The following NPAS3 variants were observed in gnomAD, a reference collection of about 807,000 sequenced individuals.
The protein encoded by NPAS3 is neuronal PAS domain-containing protein 3.
In NPAS3, 14 loss-of-function variants were observed where a neutral mutation model predicts 73.1. That is an observed-to-expected ratio of 0.19 (90% CI 0.13 to 0.30). The LOEUF (loss-of-function observed/expected upper bound fraction) is 0.30, where lower values mean the gene tolerates loss of function less well. Ranked by LOEUF, NPAS3 falls within the 10% of genes least tolerant of loss-of-function variation. NPAS3 has a pLI of 1.00. For synonymous variants in NPAS3, 620 were observed against 541.5 expected, an observed-to-expected ratio of 1.14 and a Z score of -2.01; for missense variants, 1,096 against 1,250.0, an observed-to-expected ratio of 0.88 and a Z score of 1.86.
intron 1 of NPAS3, among the ~76,000 whole-genome samples, chr14:32,978,190 T>G (rs889800074): frequency 1.3e-5 from 2 of 152,210 alleles, no homozygotes; most frequent in African/African-American, 4.8e-5. Context: ...ATCAAGGGTC[T>G]AGTTTTTAGC....
chr14:33,513,243 T>C (rs1291050354), intron 4 of NPAS3, among the ~76,000 whole-genome samples: 1 of 152,008 alleles, frequency 6.6e-6, no homozygotes, highest in African/African-American at 2.4e-5. Context: ...TGAGCTAAGG[T>C]CACAGACAGT....
At chr14:33,306,695 TA>T (rs1242490469) in intron 3 of NPAS3, among the ~76,000 whole-genome samples, 8 of 152,352 alleles carry the variant, frequency 5.3e-5, no homozygotes, top group African/African-American at 1.9e-4. Context: ...CTTTGAAATT[TA>T]TATTTATGTT....
At chr14:33,639,639 AT>A (rs2140174934) in intron 5 of NPAS3, among the ~76,000 whole-genome samples, 1 of 152,258 alleles carries the variant, frequency 6.6e-6, no homozygotes, top group East Asian at 1.9e-4. Context: ...CCCAAACTAA[AT>A]TGCCCTGCCA....
intron 3 of NPAS3, among the ~76,000 whole-genome samples, chr14:33,238,552 T>C (rs1427244303): frequency 1.3e-5 from 2 of 152,004 alleles, no homozygotes; most frequent in African/African-American, 4.8e-5. Flanking sequence ...TTGAATGACC[T>C]AGTATAATGT....
intron 5 of NPAS3, among the ~76,000 whole-genome samples, chr14:33,622,220 T>A (rs2058095566): frequency 6.6e-6 from 1 of 151,896 alleles, no homozygotes; most frequent in South Asian, 2.1e-4. Flanking sequence ...ACAGATGAGA[T>A]AAAGTCTACT....
At chr14:33,244,970 C>T (rs565398545) in intron 3 of NPAS3, among the ~76,000 whole-genome samples, 2 of 152,236 alleles carry the variant, frequency 1.3e-5, no homozygotes, top group South Asian at 2.1e-4. Context: ...ACAACAAATA[C>T]ACATACAAAC....
At chr14:33,661,421 A>C (rs2059305293) in intron 5 of NPAS3, among the ~76,000 whole-genome samples, 1 of 152,212 alleles carries the variant, frequency 6.6e-6, no homozygotes, top group African/African-American at 2.4e-5. Flanking sequence ...GATGAATCTC[A>C]TTTCCAATGC....
At chr14:33,106,513 G>T (rs2042725794) in intron 2 of NPAS3, among the ~76,000 whole-genome samples, 1 of 152,104 alleles carries the variant, frequency 6.6e-6, no homozygotes, top group Non-Finnish European at 1.5e-5. Context: ...TAAATTAAAG[G>T]AGAAGCAAAT....
At chr14:33,429,371 A>G (rs1266297898) in intron 4 of NPAS3, among the ~76,000 whole-genome samples, 1 of 152,114 alleles carries the variant, frequency 6.6e-6, no homozygotes, top group African/African-American at 2.4e-5. Context: ...TTGGATCTTC[A>G]GGAAGTTTAG....
chr14:33,166,317 T>A (rs573830233), intron 2 of NPAS3, among the ~76,000 whole-genome samples: 1 of 152,214 alleles, frequency 6.6e-6, no homozygotes, highest in Admixed American at 6.5e-5. Context: ...CAGCAGAGAT[T>A]GCATCCTTCT....
At chr14:32,974,454 G>A (rs1462367475) in intron 1 of NPAS3, among the ~76,000 whole-genome samples, 1 of 152,226 alleles carries the variant, frequency 6.6e-6, no homozygotes, top group Non-Finnish European at 1.5e-5. Flanking sequence ...ATTTGGAAAT[G>A]TGATGAAGGA....
chr14:33,700,246 T>G (rs1430538509), intron 6 of NPAS3, among the ~76,000 whole-genome samples: 1 of 152,210 alleles, frequency 6.6e-6, no homozygotes, highest in Non-Finnish European at 1.5e-5. Flanking sequence ...CTGATGATAA[T>G]GCTCTGTCTA....
intron 5 of NPAS3, among the ~76,000 whole-genome samples, chr14:33,572,907 C>T (rs565677590): frequency 5.9e-4 from 89 of 151,446 alleles, no homozygotes; most frequent in African/African-American, 2.1e-3. Flanking sequence ...CCTGTAGTCC[C>T]AGCTACTCGG....
At chr14:33,778,316 C>T in intron 8 of NPAS3, 150 bp from the exon 9 acceptor site, 1 of 522,970 alleles carries the variant, frequency 1.9e-6, no homozygotes, top group Non-Finnish European at 3.4e-6. Flanking sequence ...AAGAAATAAT[C>T]TTATGTATAA....
chr14:33,601,871 G>A (rs1326744726), intron 5 of NPAS3, among the ~76,000 whole-genome samples: 1 of 152,142 alleles, frequency 6.6e-6, no homozygotes, highest in Non-Finnish European at 1.5e-5. Flanking sequence ...GAGTAATAGG[G>A]TTTGGATTTG....
chr14:33,178,079 G>T (rs7150229), intron 2 of NPAS3, among the ~76,000 whole-genome samples: 102,402 of 126,242 alleles, frequency 0.81, 39,845 homozygotes, highest in Middle Eastern at 0.88. Context: ...AATTTTTTTT[G>T]TTTTTTTTTT....
At chr14:33,688,293 C>A (rs1295485524) in intron 6 of NPAS3, among the ~76,000 whole-genome samples, 1 of 152,192 alleles carries the variant, frequency 6.6e-6, no homozygotes, top group Non-Finnish European at 1.5e-5. Context: ...TGGAAATTGA[C>A]AATGAATGTT....
At chr14:33,069,019 A>G (rs2041383290) in intron 2 of NPAS3, among the ~76,000 whole-genome samples, 1 of 152,122 alleles carries the variant, frequency 6.6e-6, no homozygotes, top group African/African-American at 2.4e-5. Context: ...ATTGAGGAGA[A>G]ATGAGACCTA....
At chr14:33,538,157 G>A (rs1277650169) in intron 4 of NPAS3, among the ~76,000 whole-genome samples, 1 of 152,120 alleles carries the variant, frequency 6.6e-6, no homozygotes, top group Non-Finnish European at 1.5e-5. Context: ...TGTCATGGGT[G>A]TTAACTGGTT....
Sources: gnomAD v4.1 joint callset for allele counts (sites outside exome capture counted in the v4.1 genomes callset) on GRCh38, gnomAD v4.1.1 for gene constraint, MANE v1.5 for transcripts, NCBI Gene and HGNC (gene_info 2026-07-23, HGNC 2026-07-21) for gene names.